The following KANK3 variants were observed in gnomAD, a reference collection of about 807,000 sequenced individuals.
The protein encoded by KANK3 is KN motif and ankyrin repeat domain-containing protein 3.
A neutral mutation model predicts 65.4 loss-of-function variants in KANK3; 61 were observed. The ratio of observed to expected loss-of-function variants is 0.93; its 90% CI spans 0.76 to 1.15. The LOEUF (loss-of-function observed/expected upper bound fraction) is 1.15. Among genes scored for constraint, KANK3 ranks in the 50% most tolerant of loss-of-function variants. The pLI, the probability that KANK3 is intolerant of heterozygous loss-of-function variation, is 0.00. For synonymous variants in KANK3, 586 were observed against 543.3 expected (o/e 1.08, Z -1.09); for missense variants, 1,187 against 1,178.8 (o/e 1.01, Z -0.10).
Position 8,333,257 on chromosome 19 carries a change from A to G in KANK3, c.1720-27T>C. ...TGCAAGGGACAGGGGCCAAGATAAC[A>G]TCGGCGATGGTCCACGGCGGCGCCG... On this transcript the variant is annotated intron_variant, in intron 6 of 10. Coordinates refer to ENST00000330915, the MANE Select transcript of KANK3 (RefSeq NM_198471.3). The surrounding 1 kb of genome is among the most constrained non-coding windows in gnomAD (Gnocchi z 5.0). 2 of 1,565,044 alleles carry G rather than the reference A, an allele frequency of 1.3e-6. No individual in the cohort carries two copies. Among genetic ancestry groups the G allele is most frequent in the Non-Finnish European group, 1.7e-6 (2 of 1,146,360 alleles).
rs1281020258 is a variant in KANK3 at position 8,334,426 on chromosome 19, G to A, written c.1328-7C>T. On this transcript the variant is annotated splice_polypyrimidine_tract_variant and splice_region_variant and intron_variant, in intron 3 of 10. Transcript: ENST00000330915. The stretch of plus-strand genomic sequence containing the variant: ...ATGATGGATTTGAGGATGCCTGGCG[G>A]GGATGAGATGAGGGCACTGAGTTCG... 1 of 1,613,548 alleles carries A rather than the reference G, an allele frequency of 6.2e-7. No homozygotes were observed. Among genetic ancestry groups the A allele is most frequent in the African/African-American group, 1.3e-5 (1 of 75,066 alleles).
Position 8,333,352 on chromosome 19 carries a change from G to A in KANK3, c.1720-122C>T, listed in dbSNP as rs148250027. ...TGGCGTTTCCAGGCAAGTAAGGAAG[G>A]TCACTCCTCGTCCAGGTGGGGAGCC... On this transcript the variant is annotated intron_variant, in intron 6 of 10. Transcript: ENST00000330915. This position sits in a 1 kb window ranked among gnomAD's most constrained non-coding sequence, Gnocchi z 5.0. 224 of 769,876 alleles carry A rather than the reference G, an allele frequency of 2.9e-4. No individual in the cohort carries two copies. Among genetic ancestry groups the A allele is most frequent in the African/African-American group, 2.8e-3 (163 of 57,678 alleles). The allele number at this position is 769,876 out of a possible 1,614,324, so 47.7% of individuals were successfully genotyped here.
chr19:8,337,957 C>T (rs1970670693), intron 1 of KANK3, 101 bp from the exon 2 acceptor site: 3 of 1,526,692 alleles, frequency 2.0e-6, no homozygotes, highest in African/African-American at 2.8e-5. Context: ...AGCTCTCCTC[C>T]ACCCAGCCAC....
intron 1 of KANK3, 100 bp downstream of exon 1, chr19:8,343,125 A>C (rs1319287068): frequency 6.6e-6 from 1 of 152,274 alleles, no homozygotes; most frequent in Non-Finnish European, 1.5e-5. Flanking sequence ...CAGAGCCCTC[A>C]GTGGGGCTGG....
chr19:8,338,378 G>T (rs541180524), intron 1 of KANK3, among the ~76,000 whole-genome samples: 279 of 152,198 alleles, frequency 1.8e-3, no homozygotes, highest in Non-Finnish European at 2.9e-3. Context: ...TCAGCCTGCT[G>T]GGCAGGAGGA....
In KANK3 at chr19:8,325,094, C is replaced by A. The variant is rs545143671; in HGVS notation, c.1939G>T (p.Ala647Ser). ...CGGTTCTGGCGGTTGACCTCGCAGGCCCCTGGGAGAGAAAAGGGGGCCGTC... is the reference window on the plus strand; with the variant it reads ...CGGTTCTGGCGGTTGACCTCGCAGGACCCTGGGAGAGAAAAGGGGGCCGTC... ...AIASLLLDTGACEVNRQNRAG... is the reference protein window; with the variant it reads ...AIASLLLDTGSCEVNRQNRAG... Residue 647 changes from alanine to serine, a missense_variant and splice_region_variant, in exon 8 of 11, where the codon GCC (alanine) becomes TCC (serine). Physicochemically the swap from Ala to Ser is moderately conservative, Grantham distance 99 (BLOSUM62 1). This residue lies in a region of KANK3 where 1,078 missense variants were observed against 1,038.2 expected (regional missense o/e 1.04). Transcript: ENST00000330915. The A allele has an allele frequency of 8.7e-6, 14 of 1,609,200 alleles. No homozygotes were observed. Among genetic ancestry groups the A allele is most frequent in the African/African-American group, 1.3e-5 (1 of 74,822 alleles).
At chr19:8,337,891 C>G in intron 1 of KANK3, 35 bp from the exon 2 acceptor site, 1 of 1,610,970 alleles carries the variant, frequency 6.2e-7, no homozygotes, top group Non-Finnish European at 8.5e-7. Context: ...TGGGCGCTGT[C>G]CCTCTGGCTG....
chr19:8,342,348 GTGCCCACCACCTC>G (rs1253766918), intron 1 of KANK3, among the ~76,000 whole-genome samples: 1 of 152,116 alleles, frequency 6.6e-6, no homozygotes, highest in Non-Finnish European at 1.5e-5. Context: ...GGGGGCGGAG[GTGCCCACCACCTC>G]TGCGGCTTCA....
intron 1 of KANK3, among the ~76,000 whole-genome samples, chr19:8,341,202 T>C (rs541559116): frequency 6.6e-6 from 1 of 151,526 alleles, no homozygotes; most frequent in East Asian, 1.9e-4. Context: ...GCCTCTAGTC[T>C]AAGGAATTTA....
In KANK3 at chr19:8,325,032, G is replaced by A; in HGVS notation, c.2001C>T (p.Thr667=). The A allele has an allele frequency of 6.2e-7, 1 of 1,613,914 alleles. No individual in the cohort carries two copies. The highest frequency in any genetic ancestry group is 8.5e-7 in the Non-Finnish European group (1 of 1,180,012). Residue 667 remains threonine, a synonymous_variant, in exon 8 of 11, where the codon ACC becomes ACT. Transcript: ENST00000330915. ...TGTCCTCCTCTTCCTGCCTCACAGA[G>A]GTGAGTGCAGCCAGCATGAGGGCCG... The part of the protein sequence containing the change: ...GYSALMLAAL[T]SVRQEEEDMA...
intron 7 of KANK3, among the ~76,000 whole-genome samples, chr19:8,330,430 C>T (rs539240384): frequency 2.6e-5 from 4 of 152,096 alleles, no homozygotes; most frequent in African/African-American, 9.6e-5. Context: ...CCCATCTCTA[C>T]TAAAAATGTA....
intron 1 of KANK3, among the ~76,000 whole-genome samples, chr19:8,339,785 G>A (rs1043546582): frequency 4.6e-5 from 7 of 151,806 alleles, no homozygotes; most frequent in Non-Finnish European, 7.4e-5. Context: ...ATAAAATAGC[G>A]AAACCCCATC....
rs779016934 is a variant in KANK3, at chr19:8,324,828, C to G, written c.2085G>C (p.Thr695=). Residue 695 remains threonine, a splice_region_variant and synonymous_variant, in exon 9 of 11, where the codon ACG becomes ACC. Transcript: ENST00000330915. ...TGGCCAGCATGAGGGCTGTCTGCCC[C>G]GTCTGGGGAGTGGGGAGGAAGAGGG... ...MGDVNAKASQ[T]GQTALMLAIS... 1.9e-6 allele frequency: 3 copies of G among 1,609,704 alleles called. No individual in the cohort carries two copies. The highest frequency in any genetic ancestry group is 2.2e-5 in the East Asian group (1 of 44,790).
chr19:8,342,904 C>G (rs1385555940), intron 1 of KANK3, among the ~76,000 whole-genome samples: 1 of 152,128 alleles, frequency 6.6e-6, no homozygotes, highest in East Asian at 1.9e-4. Context: ...GCGCGAGGGG[C>G]TGGCTGGGGT....
Position 8,333,927 on chromosome 19 carries a change from C to A in KANK3, c.1617G>T (p.Gln539His). The change falls in exon 5 of 11, where the codon CAG (glutamine) becomes CAT (histidine). Residue 539 changes from glutamine to histidine, a missense_variant. This residue lies in a region of KANK3 where 1,078 missense variants were observed against 1,038.2 expected (regional missense o/e 1.04). Transcript: ENST00000330915. This position sits in a 1 kb window ranked among gnomAD's most constrained non-coding sequence, Gnocchi z 5.0. Reference protein sequence around the residue: ...DPEPEAEAEPQQVAQGRCELS... With the variant: ...DPEPEAEAEPHQVAQGRCELS... ...CCGCTCACCTCCCCTGTGCCACCTG[C>A]TGAGGCTCTGCCTCCGCCTCGGGCT... 1 of 1,578,598 alleles carries A rather than the reference C, an allele frequency of 6.3e-7. No homozygotes were observed.
chr19:8,334,135 G>C lies in KANK3; in HGVS notation c.1428-19C>G. 6.7e-7 allele frequency: 1 copy of C among 1,501,916 alleles called. No individual in the cohort carries two copies. The highest frequency in any genetic ancestry group is 8.9e-7 in the Non-Finnish European group (1 of 1,124,520). The allele number at this position is 1,501,916 out of a possible 1,614,324, so 93.0% of individuals were successfully genotyped here. A position where few individuals can be genotyped will look rare whatever the true frequency, so the allele number is the denominator to read the frequency against. ...CTCGTACCTGGGGGCAGGGTGGGAG[G>C]TGTCTGCTAAACCTCCCCTGTGGGC... On this transcript the variant is annotated intron_variant, in intron 4 of 10. Transcript: ENST00000330915.
At position 8,330,964 on chromosome 19, in the gene KANK3, G is replaced by C. The variant is rs146261574; in HGVS notation, c.1936+2050C>G. Among the ~76,000 whole-genome samples, 605 of 152,064 alleles carry C rather than the reference G, an allele frequency of 4.0e-3. 6 individuals carry two copies. The highest frequency in any genetic ancestry group is 0.014 in the African/African-American group (570 of 41,492). ...TGTAATCCCAGCACTTTGGGAGGCC[G>C]AGGCAGGCAGATGAGTTGAGGTAAG... On this transcript the variant is annotated intron_variant, in intron 7 of 10. Coordinates refer to ENST00000330915, the MANE Select transcript of KANK3 (RefSeq NM_198471.3).
intron 7 of KANK3, 27 bp downstream of exon 7, chr19:8,332,987 T>TTGGGGGGGCC: frequency 2.5e-6 from 1 of 395,196 alleles, no homozygotes; most frequent in Non-Finnish European, 4.8e-6. Context: ...TTTCCTGGTG[T>TTGGGGGGGCC]CCCACCCACC....
chr19:8,334,226 C>G lies in KANK3; in HGVS notation c.1427+94G>C, dbSNP rs988089806. 1.4e-5 allele frequency: 22 copies of G among 1,552,100 alleles called. 1 individual carries two copies. The Middle Eastern group carries it at 5.6e-4, about 39-fold the overall frequency. On this transcript the variant is annotated intron_variant, in intron 4 of 10. Coordinates refer to ENST00000330915, the MANE Select transcript of KANK3 (RefSeq NM_198471.3). Reference sequence around the variant, plus strand: ...TTAACGATGAGGAAACTGAGGATTGCCCAGACCACGCTGCCAGTAGAGGGG... The same window carrying G: ...TTAACGATGAGGAAACTGAGGATTGGCCAGACCACGCTGCCAGTAGAGGGG...
Sources: allele counts gnomAD v4.1 joint callset (sites outside exome capture counted in the v4.1 genomes callset), GRCh38; gene constraint gnomAD v4.1.1; regional missense constraint gnomAD v4.1.1; non-coding constraint Gnocchi (gnomAD v3.1); transcripts MANE v1.5; gene names NCBI Gene and HGNC (gene_info 2026-07-23, HGNC 2026-07-21).